The following UNC119 variants were observed in gnomAD, a reference collection of about 807,000 sequenced individuals.
The protein encoded by UNC119 is protein unc-119 homolog A.
A neutral mutation model predicts 22.6 loss-of-function variants in UNC119; 15 were observed. That is an observed-to-expected ratio of 0.66 (90% CI 0.44 to 1.02). UNC119 has a LOEUF of 1.02. UNC119 is among the 50% of genes least tolerant of loss of function. The probability of loss-of-function intolerance (pLI) is 0.00; values close to 1 mark genes in which losing one functional copy is unlikely to be tolerated. For missense variants in UNC119, 322 were observed against 336.0 expected (o/e 0.96, Z 0.33); for synonymous variants, 138 against 139.4 (o/e 0.99, Z 0.07).
At position 28,547,729 on chromosome 17, in the gene UNC119, G is replaced by C. The variant is rs201365033; in HGVS notation, c.558C>G (p.Ser186Arg). ...DFHFGFCIPS[S>R]KNTCEHIYDF... is the part of the protein sequence containing the mutation. ...CGTAAATGTGCTCGCAGGTGTTCTT[G>C]CTGCTGGGGATGCAGAAGCCAAAGT... The change falls in exon 4 of 5, where the codon AGC (serine) becomes AGG (arginine). Residue 186 changes from serine (S) to arginine (R), a missense_variant. Transcript: ENST00000335765. 5.6e-6 allele frequency: 9 copies of C among 1,614,114 alleles called. No individual in the cohort carries two copies. The highest frequency in any genetic ancestry group is 6.8e-6 in the Non-Finnish European group (8 of 1,180,062).
chr17:28,552,523 G>T lies in UNC119; in HGVS notation c.35C>A (p.Thr12Lys). Residue 12 changes from threonine (T) to lysine (K), a missense_variant, in exon 1 of 5, where the codon ACG (threonine) becomes AAG (lysine). Physicochemically the swap from Thr to Lys is moderately conservative, Grantham distance 78. Coordinates refer to ENST00000335765, the MANE Select transcript of UNC119 (RefSeq NM_005148.4). ...KVKKGGGGAG[T>K]ATESAPGPSG... is the part of the protein sequence containing the mutation. Reference sequence around the variant, plus strand: ...GGGCCCCGGAGCGGACTCCGTCGCCGTCCCGGCCCCACCGCCGCCCTTCTT... The same window carrying T: ...GGGCCCCGGAGCGGACTCCGTCGCCTTCCCGGCCCCACCGCCGCCCTTCTT... The T allele has an allele frequency of 1.3e-6, 2 of 1,550,478 alleles. No individual in the cohort carries two copies. Among genetic ancestry groups the T allele is most frequent in the East Asian group, 5.1e-5 (2 of 39,532 alleles).
chr17:28,547,675 A>C lies in UNC119; in HGVS notation c.610+2T>G, dbSNP rs2070222685. On this transcript the variant is annotated splice_donor_variant, in intron 4 of 4. Transcript: ENST00000335765. LOFTEE classifies it high-confidence loss of function. ...CACTCCCAGAAGACCCTGCCCGCGC[A>C]CTCAGCTCCTCGGAGAGAGGGGGGA... 1 of 1,614,018 alleles carries C rather than the reference A, an allele frequency of 6.2e-7. No individual in the cohort carries two copies. Among genetic ancestry groups the C allele is most frequent in the South Asian group, 1.1e-5 (1 of 91,090 alleles).
chr17:28,547,152 T>C lies in UNC119; in HGVS notation c.*145A>G, dbSNP rs931271925. 15 of 993,494 alleles carry C rather than the reference T, an allele frequency of 1.5e-5. No individual in the cohort carries two copies. In the Admixed American group the frequency reaches 2.6e-4, roughly 17 times the overall value. The allele number at this position is 993,494 out of a possible 1,614,324, so 61.5% of individuals were successfully genotyped here. A position where few individuals can be genotyped will look rare whatever the true frequency, so the allele number is the denominator to read the frequency against. Reference sequence around the variant, plus strand: ...CATGGGCTTGACTGGGGACACCAGGTACCCTTCCTCCCAACATTGACTCAG... The same window carrying C: ...CATGGGCTTGACTGGGGACACCAGGCACCCTTCCTCCCAACATTGACTCAG... On this transcript the variant is annotated 3_prime_UTR_variant, in exon 5 of 5. Coordinates refer to ENST00000335765, the MANE Select transcript of UNC119 (RefSeq NM_005148.4).
rs958693526 is a variant in UNC119, at chr17:28,546,820, T to C, written c.*477A>G. 2.7e-5 allele frequency: 7 copies of C among 256,632 alleles called. No homozygotes were observed. Among genetic ancestry groups the C allele is most frequent in the African/African-American group, 1.5e-4 (7 of 45,450 alleles). 15.9% of individuals were successfully genotyped at this position (256,632 alleles called of 1,614,324 possible). On this transcript the variant is annotated 3_prime_UTR_variant, in exon 5 of 5. Coordinates refer to ENST00000335765, the MANE Select transcript of UNC119 (RefSeq NM_005148.4). ...CCTTAGGCAGTGTCTTGGCCCCTCA[T>C]GGGGAGGGATGGGGCTAGGCCTAGG...
At chr17:28,550,842 C>T (rs991565826) in intron 1 of UNC119, 3 of 152,268 alleles carry the variant, frequency 2.0e-5, no homozygotes, top group Non-Finnish European at 4.4e-5. Flanking sequence ...GAGCTGGAAG[C>T]TCCCTCTAGT....
rs1192918511 is a variant in UNC119, at chr17:28,552,454, G to T, written c.104C>A (p.Ser35Tyr). 9 of 1,577,908 alleles carry T rather than the reference G, an allele frequency of 5.7e-6. No homozygotes were observed. In the South Asian group the frequency reaches 1.0e-4, roughly 18 times the overall value. Residue 35 changes from serine to tyrosine, a missense_variant, in exon 1 of 5, where the codon TCC (serine) becomes TAC (tyrosine). Coordinates refer to ENST00000335765, the MANE Select transcript of UNC119 (RefSeq NM_005148.4). ...CGGCTCCGACTCGGACCCAGATTCGGATTCCGCAGGCGGCTGTGGTATGGG... is the reference window on the plus strand; with the variant it reads ...CGGCTCCGACTCGGACCCAGATTCGTATTCCGCAGGCGGCTGTGGTATGGG... Reference protein sequence around the residue: ...VAPIPQPPAESESGSESEPDA... With the variant: ...VAPIPQPPAEYESGSESEPDA...
rs1382483863 is a variant in UNC119, at chr17:28,552,552, C to T, written c.6G>A (p.Lys2=). The change falls in exon 1 of 5, where the codon AAG becomes AAA. Residue 2 remains lysine (K), a synonymous_variant. Coordinates refer to ENST00000335765, the MANE Select transcript of UNC119 (RefSeq NM_005148.4). The part of the protein sequence containing the change: M[K]VKKGGGGAGT... ...CGGCCCCACCGCCGCCCTTCTTCAC[C>T]TTCATGGCCTTGCGGGGCCGAGGCT... The T allele has an allele frequency of 5.9e-6, 9 of 1,528,682 alleles. No individual in the cohort carries two copies. The South Asian group carries it at 8.4e-5, about 14-fold the overall frequency. 94.7% of individuals were successfully genotyped at this position (1,528,682 alleles called of 1,614,324 possible).
Position 28,547,093 on chromosome 17 carries a change from C to T in UNC119, c.*204G>A, listed in dbSNP as rs570550852. 7 of 614,772 alleles carry T rather than the reference C, an allele frequency of 1.1e-5. No individual in the cohort carries two copies. The highest frequency in any genetic ancestry group is 6.3e-5 in the East Asian group (2 of 31,644). The allele number at this position is 614,772 out of a possible 1,614,324, so 38.1% of individuals were successfully genotyped here. On this transcript the variant is annotated 3_prime_UTR_variant, in exon 5 of 5. Coordinates refer to ENST00000335765, the MANE Select transcript of UNC119 (RefSeq NM_005148.4). The stretch of plus-strand genomic sequence containing the variant: ...GACGTGGAGGCAAACAGCCTCCCTA[C>T]GACCCCACCCCATGTAGCAGGCCGC...
Position 28,547,694 on chromosome 17 carries a change from G to A in UNC119, c.593C>T (p.Pro198Leu). ...CCGCGCACTCAGCTCCTCGGAGAGA[G>A]GGGGGAAGTCGTAAATGTGCTCGCA... is the stretch of plus-strand genomic sequence containing the variant. ...NTCEHIYDFP[P>L]LSEELISEMI... The change falls in exon 4 of 5, where the codon CCT (proline) becomes CTT (leucine). Residue 198 changes from proline to leucine, a missense_variant. Physicochemically the swap from Pro to Leu is moderately conservative, Grantham distance 98. Coordinates refer to ENST00000335765, the MANE Select transcript of UNC119 (RefSeq NM_005148.4). 6.2e-7 allele frequency: 1 copy of A among 1,614,182 alleles called. No homozygotes were observed. The highest frequency in any genetic ancestry group is 8.5e-7 in the Non-Finnish European group (1 of 1,180,032).
At chr17:28,547,914 A>G (rs1210834973) in intron 3 of UNC119, 65 bp from the exon 4 acceptor site, 9 of 1,613,010 alleles carry the variant, frequency 5.6e-6, no homozygotes, top group African/African-American at 5.3e-5. Flanking sequence ...CAGGCTCAGG[A>G]CAGGCCACCC....
chr17:28,552,603 C>T lies in UNC119; in HGVS notation c.-46G>A. 2 of 1,467,792 alleles carry T rather than the reference C, an allele frequency of 1.4e-6. No homozygotes were observed. The highest frequency in any genetic ancestry group is 1.8e-6 in the Non-Finnish European group (2 of 1,113,990). 90.9% of individuals were successfully genotyped at this position (1,467,792 alleles called of 1,614,324 possible). ...CGCCTGCTGCTGCCGCCGCTGCCTGCGCCGGCTGGAGCCGGGGGAAGTGGG... is the reference window on the plus strand; with the variant it reads ...CGCCTGCTGCTGCCGCCGCTGCCTGTGCCGGCTGGAGCCGGGGGAAGTGGG... On this transcript the variant is annotated 5_prime_UTR_variant, in exon 1 of 5. Coordinates refer to ENST00000335765, the MANE Select transcript of UNC119 (RefSeq NM_005148.4).
At chr17:28,551,606 G>A (rs1333707561) in intron 1 of UNC119, 2 of 153,166 alleles carry the variant, frequency 1.3e-5, no homozygotes, top group Admixed American at 6.5e-5. Context: ...GAGAGGTGAG[G>A]TTACTTGCCC....
Position 28,546,948 on chromosome 17 carries a change from G to A in UNC119, c.*349C>T, listed in dbSNP as rs1189634199. 2.9e-6 allele frequency: 1 copy of A among 348,430 alleles called. No homozygotes were observed. The highest frequency in any genetic ancestry group is 5.7e-6 in the Non-Finnish European group (1 of 176,270). 21.6% of individuals were successfully genotyped at this position (348,430 alleles called of 1,614,324 possible). On this transcript the variant is annotated 3_prime_UTR_variant, in exon 5 of 5. Transcript: ENST00000335765. ...AGGTAGTGGGCAGGGGACAGGGAAT[G>A]GATCCCTGCCTGATCTAGTCACAGC...
Position 28,552,622 on chromosome 17 carries a change from A to T in UNC119, c.-65T>A. On this transcript the variant is annotated 5_prime_UTR_variant, in exon 1 of 5. Transcript: ENST00000335765. The stretch of plus-strand genomic sequence containing the variant: ...TGCCTGCGCCGGCTGGAGCCGGGGG[A>T]AGTGGGAGCATCCGCAGCCCCGCCC... 1 of 1,395,296 alleles carries T rather than the reference A, an allele frequency of 7.2e-7. No homozygotes were observed. Among genetic ancestry groups the T allele is most frequent in the Non-Finnish European group, 9.4e-7 (1 of 1,063,310 alleles). 86.4% of individuals were successfully genotyped at this position (1,395,296 alleles called of 1,614,324 possible).
rs749907996 is a variant in UNC119, at chr17:28,547,698, G to C, written c.589C>G (p.Pro197Ala). 3.1e-5 allele frequency: 50 copies of C among 1,614,084 alleles called. No individual in the cohort carries two copies. The highest frequency in any genetic ancestry group is 4.1e-5 in the Non-Finnish European group (48 of 1,180,042). Reference sequence around the variant, plus strand: ...GCACTCAGCTCCTCGGAGAGAGGGGGGAAGTCGTAAATGTGCTCGCAGGTG... The same window carrying C: ...GCACTCAGCTCCTCGGAGAGAGGGGCGAAGTCGTAAATGTGCTCGCAGGTG... ...KNTCEHIYDF[P>A]PLSEELISEM... Residue 197 changes from proline to alanine, a missense_variant, in exon 4 of 5, where the codon CCC becomes GCC. Coordinates refer to ENST00000335765, the MANE Select transcript of UNC119 (RefSeq NM_005148.4).
chr17:28,551,872 G>C (rs1207904512), intron 1 of UNC119: 2 of 284,740 alleles, frequency 7.0e-6, no homozygotes, highest in Non-Finnish European at 7.3e-6. Context: ...ATCAGGGTGA[G>C]GGTATTAATG....
chr17:28,547,270 C>T lies in UNC119; in HGVS notation c.*27G>A. ...CACAGCTCCCAGCCCAGAACTGGAG[C>T]CTCCTGGGGTCAGGGCAGCCGTGGG... On this transcript the variant is annotated 3_prime_UTR_variant, in exon 5 of 5. Transcript: ENST00000335765. 1.2e-6 allele frequency: 2 copies of T among 1,613,314 alleles called. No homozygotes were observed. The highest frequency in any genetic ancestry group is 1.7e-6 in the Non-Finnish European group (2 of 1,179,532).
chr17:28,547,657 A>G lies in UNC119; in HGVS notation c.610+20T>C, dbSNP rs565623547. On this transcript the variant is annotated intron_variant, in intron 4 of 4. Coordinates refer to ENST00000335765, the MANE Select transcript of UNC119 (RefSeq NM_005148.4). ...TAGACGCCCCCACTTCCCCACTCCC[A>G]GAAGACCCTGCCCGCGCACTCAGCT... 3 of 1,614,168 alleles carry G rather than the reference A, an allele frequency of 1.9e-6. No homozygotes were observed. The South Asian group carries it at 3.3e-5, about 18-fold the overall frequency.
rs918075100 is a variant in UNC119 at position 28,547,066 on chromosome 17, T to C, written c.*231A>G. 11 of 527,546 alleles carry C rather than the reference T, an allele frequency of 2.1e-5. No homozygotes were observed. Among genetic ancestry groups the C allele is most frequent in the South Asian group, 1.5e-4 (8 of 52,596 alleles). The allele number at this position is 527,546 out of a possible 1,614,324, so 32.7% of individuals were successfully genotyped here. On this transcript the variant is annotated 3_prime_UTR_variant, in exon 5 of 5. Coordinates refer to ENST00000335765, the MANE Select transcript of UNC119 (RefSeq NM_005148.4). ...TGACTGCTCCTCTCACAGGCCTTCC[T>C]AGACGTGGAGGCAAACAGCCTCCCT...
Sources: allele counts gnomAD v4.1 joint callset, GRCh38; gene constraint gnomAD v4.1.1; transcripts MANE v1.5; gene names NCBI Gene and HGNC (gene_info 2026-07-23, HGNC 2026-07-21).